The following TAF1B variants were observed in gnomAD, a reference collection of about 807,000 sequenced individuals.
TAF1B encodes TATA box-binding protein-associated factor RNA polymerase I subunit B.
TAF1B carries 61 observed loss-of-function variants against 83.9 expected under a neutral mutation model. That is an observed-to-expected ratio of 0.73 (90% CI 0.59 to 0.90). TAF1B has a LOEUF of 0.90. Ranked by LOEUF, TAF1B falls within the 40% of genes least tolerant of loss-of-function variation. The pLI is 0.00. For missense variants in TAF1B, 625 were observed against 677.0 expected (o/e 0.92, Z 0.85); for synonymous variants, 221 against 224.6 (o/e 0.98, Z 0.14).
chr2:9,905,647 T>G (rs1665317635), intron 9 of TAF1B, among the ~76,000 whole-genome samples: 1 of 152,188 alleles, frequency 6.6e-6, no homozygotes, highest in South Asian at 2.1e-4. Context: ...ATGTGAGAAA[T>G]TTTGGACTTA....
chr2:9,910,175 T>C (rs548815922), intron 9 of TAF1B, among the ~76,000 whole-genome samples: 1 of 152,320 alleles, frequency 6.6e-6, no homozygotes, highest in African/African-American at 2.4e-5. Context: ...TAAGTGACTC[T>C]GATCCAAGAG....
chr2:9,930,659 G>T (rs2125187228), intron 14 of TAF1B, among the ~76,000 whole-genome samples: 1 of 152,320 alleles, frequency 6.6e-6, no homozygotes, highest in African/African-American at 2.4e-5. Context: ...GGGGTGGAGA[G>T]TTCTATAGAT....
intron 8 of TAF1B, among the ~76,000 whole-genome samples, chr2:9,898,330 T>C (rs1448727061): frequency 6.6e-6 from 1 of 152,230 alleles, no homozygotes. Context: ...GTGATTCTGA[T>C]GGAGATTACG....
chr2:9,849,802 A>G (rs1663327971), intron 3 of TAF1B, among the ~76,000 whole-genome samples: 1 of 152,200 alleles, frequency 6.6e-6, no homozygotes, highest in Non-Finnish European at 1.5e-5. Context: ...AATGACCTCA[A>G]CATGAGTGTG....
At chr2:9,896,569 GGTTTT>G (rs1243413521) in intron 8 of TAF1B, among the ~76,000 whole-genome samples, 2 of 129,198 alleles carry the variant, frequency 1.5e-5, no homozygotes, top group Non-Finnish European at 3.1e-5. Context: ...TTCTGTGTTT[GGTTTT>G]GTTTTATTTT....
At chr2:9,908,028 CTTTTTTTTTTTTTTTT>C (rs57261740) in intron 9 of TAF1B, among the ~76,000 whole-genome samples, 20 of 71,752 alleles carry the variant, frequency 2.8e-4, no homozygotes, top group African/African-American at 7.9e-4. Context: ...GATCTTAATT[CTTTTTTTTTTTTTTTT>C]TTTTTTTTTT....
intron 14 of TAF1B, among the ~76,000 whole-genome samples, chr2:9,922,288 A>G (rs1665900710): frequency 6.6e-6 from 1 of 152,086 alleles, no homozygotes; most frequent in African/African-American, 2.4e-5. Context: ...CCCAAAAAAC[A>G]TTGTGGAGCC....
At chr2:9,869,151 TA>T (rs1480857166) in intron 6 of TAF1B, among the ~76,000 whole-genome samples, 7 of 152,204 alleles carry the variant, frequency 4.6e-5, no homozygotes. Flanking sequence ...AAGAAGATAT[TA>T]GCTCCTTTTA....
intron 11 of TAF1B, among the ~76,000 whole-genome samples, chr2:9,912,570 T>C (rs537814455): frequency 6.6e-6 from 1 of 152,324 alleles, no homozygotes; most frequent in East Asian, 1.9e-4. Flanking sequence ...AAGATGATAA[T>C]TTACTACGTA....
chr2:9,891,260 T>G (rs403303), intron 8 of TAF1B, among the ~76,000 whole-genome samples: 143,039 of 152,288 alleles, frequency 0.94, 67,819 homozygotes, highest in East Asian at 1. Context: ...TGGTGATGCT[T>G]CTATAAACAG....
intron 14 of TAF1B, among the ~76,000 whole-genome samples, chr2:9,922,411 G>T (rs1445778749): frequency 6.6e-6 from 1 of 152,062 alleles, no homozygotes; most frequent in East Asian, 1.9e-4. Context: ...CCCCACATGG[G>T]CCTTTGTACC....
Position 9,917,194 on chromosome 2 carries a change from A to T in TAF1B, c.1272-1847A>T, listed in dbSNP as rs191967114. On this transcript the variant is annotated intron_variant, in intron 12 of 14. Transcript: ENST00000263663. ...ATCATTGCAGAAATTCAAAATAAAAAGTCAACATCTGTTTTATGTATAGTC... is the reference window on the plus strand; with the variant it reads ...ATCATTGCAGAAATTCAAAATAAAATGTCAACATCTGTTTTATGTATAGTC... Among the ~76,000 whole-genome samples the T allele has an allele frequency of 1.6e-4, 25 of 152,310 alleles. No homozygotes were observed. The East Asian group carries it at 4.8e-3, about 29-fold the overall frequency.
chr2:9,910,958 G>C, intron 10 of TAF1B, 45 bp downstream of exon 10: 3 of 1,524,124 alleles, frequency 2.0e-6, no homozygotes, highest in Non-Finnish European at 2.7e-6. Context: ...TTATGGTGCT[G>C]ATCTTAGTTT....
intron 2 of TAF1B, among the ~76,000 whole-genome samples, chr2:9,847,301 A>G (rs1459558703): frequency 1.3e-5 from 2 of 152,224 alleles, no homozygotes; most frequent in African/African-American, 4.8e-5. Context: ...CTTAAAGGAA[A>G]AAAAAGTTAC....
rs143794238 is a variant in TAF1B at position 9,897,669 on chromosome 2, C to A, written c.808-7190C>A. ...TTTTGGTTGAAGGAAGAAAAAGACT[C>A]GTCCAGAGCTGTCAGTCACTTCTTA... On this transcript the variant is annotated intron_variant, in intron 8 of 14. Coordinates refer to ENST00000263663, the MANE Select transcript of TAF1B (RefSeq NM_005680.3). Among the ~76,000 whole-genome samples the A allele has an allele frequency of 1.1e-3, 169 of 152,254 alleles. 1 individual carries two copies. The highest frequency in any genetic ancestry group is 3.6e-3 in the African/African-American group (150 of 41,554).
At chr2:9,843,746 A>C (rs998356869) in intron 1 of TAF1B, 187 bp downstream of exon 1, 1 of 584,328 alleles carries the variant, frequency 1.7e-6, no homozygotes, top group Non-Finnish European at 2.9e-6. Context: ...CGGCTTTGGT[A>C]AAGAGGCTGG....
At chr2:9,848,539 G>A (rs919919015) in intron 2 of TAF1B, among the ~76,000 whole-genome samples, 7 of 152,148 alleles carry the variant, frequency 4.6e-5, no homozygotes, top group Admixed American at 2.6e-4. Flanking sequence ...GATGGCGCAT[G>A]CCTTTAATCC....
At chr2:9,907,742 A>G (rs1665390174) in intron 9 of TAF1B, among the ~76,000 whole-genome samples, 1 of 152,116 alleles carries the variant, frequency 6.6e-6, no homozygotes, top group African/African-American at 2.4e-5. Context: ...TGAAGTTTCC[A>G]AAGTGCCCAT....
chr2:9,919,882 T>C, intron 14 of TAF1B, 62 bp downstream of exon 14: 1 of 1,489,690 alleles, frequency 6.7e-7, no homozygotes, highest in South Asian at 1.2e-5. Context: ...AAGAGCCAGA[T>C]AGGTTTTTTG....
Sources: gnomAD v4.1 joint callset for allele counts (sites outside exome capture counted in the v4.1 genomes callset) on GRCh38, gnomAD v4.1.1 for gene constraint, MANE v1.5 for transcripts, NCBI Gene and HGNC (gene_info 2026-07-23, HGNC 2026-07-21) for gene names.